The following MCC variants were observed in gnomAD, a reference collection of about 807,000 sequenced individuals.
The protein encoded by MCC is colorectal mutant cancer protein.
A neutral mutation model predicts 116.2 loss-of-function variants in MCC; 90 were observed. The ratio of observed to expected loss-of-function variants is 0.77; its 90% confidence interval spans 0.65 to 0.92. The LOEUF (loss-of-function observed/expected upper bound fraction) is 0.92, where lower values mean the gene tolerates loss of function less well. Ranked by LOEUF, MCC falls within the 40% of genes least tolerant of loss-of-function variation. MCC has a pLI of 0.00. For synonymous variants in MCC, 578 were observed against 510.5 expected (o/e 1.13, Z -1.78); for missense variants, 1,516 against 1,312.2 (o/e 1.16, Z -2.40).
At chr5:113,443,126 C>T (rs1273972179) in intron 1 of MCC, among the ~76,000 whole-genome samples, 1 of 151,990 alleles carries the variant, frequency 6.6e-6, no homozygotes, top group Non-Finnish European at 1.5e-5. Context: ...TCTTCCTATC[C>T]ATGAGCATAG....
intron 1 of MCC, among the ~76,000 whole-genome samples, chr5:113,464,494 G>A (rs1771841139): frequency 6.6e-6 from 1 of 152,036 alleles, no homozygotes; most frequent in Non-Finnish European, 1.5e-5. Flanking sequence ...TCTCATCAAG[G>A]TCTCTCCTAA....
rs1372750979 is a variant in MCC, at chr5:113,191,412, G to A, written c.628-39990C>T. Among the ~76,000 whole-genome samples, 3 of 152,170 alleles carry A rather than the reference G, an allele frequency of 2.0e-5. No individual in the cohort carries two copies. In the East Asian group the frequency reaches 5.8e-4, roughly 29 times the overall value. The stretch of plus-strand genomic sequence containing the variant: ...CTAACCAGGAACATCGTTGGTCATT[G>A]TGGGGAAACTGGCCCTGGAGGCCCA... On this transcript the variant is annotated intron_variant, in intron 3 of 18. Coordinates refer to ENST00000408903, the MANE Select transcript of MCC (RefSeq NM_001085377.2).
intron 3 of MCC, among the ~76,000 whole-genome samples, chr5:113,156,820 A>C (rs562717889): frequency 8.5e-5 from 13 of 152,328 alleles, no homozygotes; most frequent in African/African-American, 3.1e-4. Flanking sequence ...AACCACCTGG[A>C]CATTTGGCTG....
rs561741238 is a variant in MCC at position 113,155,655 on chromosome 5, T to C, written c.628-4233A>G. On this transcript the variant is annotated intron_variant, in intron 3 of 18. Coordinates refer to ENST00000408903, the MANE Select transcript of MCC (RefSeq NM_001085377.2). The stretch of plus-strand genomic sequence containing the variant: ...AATTTTTGGGATCCCTTTAATCATA[T>C]TCTGGTTTCTGAAATGGCCTCTAAC... Among the ~76,000 whole-genome samples, 6 of 152,324 alleles carry C rather than the reference T, an allele frequency of 3.9e-5. No homozygotes were observed. The East Asian group carries it at 1.2e-3, about 29-fold the overall frequency.
intron 3 of MCC, among the ~76,000 whole-genome samples, chr5:113,244,034 A>C (rs546165282): frequency 6.6e-6 from 1 of 152,236 alleles, no homozygotes; most frequent in Non-Finnish European, 1.5e-5. Context: ...GATCCATTCT[A>C]CACTGCAGGC....
intron 3 of MCC, among the ~76,000 whole-genome samples, chr5:113,206,673 C>A (rs1323545496): frequency 6.6e-6 from 1 of 152,192 alleles, no homozygotes; most frequent in Non-Finnish European, 1.5e-5. Flanking sequence ...TGCACCACTG[C>A]ATTCCAGCCT....
At chr5:113,322,751 T>C (rs1403223449) in intron 3 of MCC, among the ~76,000 whole-genome samples, 1 of 152,216 alleles carries the variant, frequency 6.6e-6, no homozygotes, top group Non-Finnish European at 1.5e-5. Context: ...GATAGCGAGT[T>C]AATGAATGAG....
At chr5:113,351,375 C>G (rs1192468648) in intron 2 of MCC, among the ~76,000 whole-genome samples, 1 of 152,070 alleles carries the variant, frequency 6.6e-6, no homozygotes, top group Non-Finnish European at 1.5e-5. Context: ...AGAATGAGAT[C>G]CTGTTATTTG....
intron 14 of MCC, among the ~76,000 whole-genome samples, chr5:113,061,692 C>G (rs1753230222): frequency 6.6e-6 from 1 of 152,172 alleles, no homozygotes; most frequent in African/African-American, 2.4e-5. Context: ...TATGGGCTGC[C>G]AGAAATGCCG....
At chr5:113,280,626 T>A (rs551153567) in intron 3 of MCC, among the ~76,000 whole-genome samples, 2 of 152,090 alleles carry the variant, frequency 1.3e-5, no homozygotes, top group African/African-American at 4.8e-5. Flanking sequence ...GTCTAGAAGA[T>A]GAGTTGGTGT....
At chr5:113,352,440 C>T in intron 2 of MCC, among the ~76,000 whole-genome samples, 1 of 151,884 alleles carries the variant, frequency 6.6e-6, no homozygotes. Context: ...TTCCTCTTCC[C>T]TCTCTTTCTC....
chr5:113,145,979 A>T (rs1242070887), intron 4 of MCC, among the ~76,000 whole-genome samples: 1 of 152,212 alleles, frequency 6.6e-6, no homozygotes. Context: ...GCTTGTAGCT[A>T]AAGGAAAAAA....
At chr5:113,236,584 T>TA (rs2150336969) in intron 3 of MCC, among the ~76,000 whole-genome samples, 1 of 152,350 alleles carries the variant, frequency 6.6e-6, no homozygotes, top group South Asian at 2.1e-4. Context: ...ATAAAATACT[T>TA]ACAATGAGTC....
intron 8 of MCC, among the ~76,000 whole-genome samples, chr5:113,086,145 T>A (rs569818642): frequency 1.9e-4 from 29 of 152,312 alleles, no homozygotes; most frequent in African/African-American, 6.3e-4. Context: ...ACAAGTGCAC[T>A]TGAGTGTTAT....
intron 3 of MCC, among the ~76,000 whole-genome samples, chr5:113,270,104 A>T (rs1158248030): frequency 6.6e-6 from 1 of 152,174 alleles, no homozygotes. Flanking sequence ...AGAAAAGGGT[A>T]CCTACAGGAG....
chr5:113,224,864 T>G (rs1214328962), intron 3 of MCC, among the ~76,000 whole-genome samples: 1 of 152,192 alleles, frequency 6.6e-6, no homozygotes, highest in Non-Finnish European at 1.5e-5. Flanking sequence ...GGAAAAGATT[T>G]GCCACATCAT....
chr5:113,031,377 T>C (rs533481512), intron 17 of MCC, among the ~76,000 whole-genome samples: 5 of 152,146 alleles, frequency 3.3e-5, no homozygotes, highest in East Asian at 1.9e-4. Flanking sequence ...GCAGTGAGGA[T>C]GGTGTTGCAG....
In MCC at chr5:113,049,222, C is replaced by T. The variant is rs764959928; in HGVS notation, c.2526G>A (p.Thr842=). ...GGTAGGCCTGCTCCTGGGCCTCCCG[C>T]GTGCTCAGCTTCAGCTCCAGGGCCT... The part of the protein sequence containing the change: ...EKKALELKLS[T]REAQEQAYLV... Residue 842 remains threonine, a synonymous_variant, in exon 16 of 19, where the codon ACG becomes ACA. Transcript: ENST00000408903. 2.2e-5 allele frequency: 36 copies of T among 1,613,882 alleles called. No homozygotes were observed. The highest frequency in any genetic ancestry group is 1.6e-4 in the Middle Eastern group (1 of 6,084).
chr5:113,059,157 A>AAG (rs1168189018), intron 14 of MCC, among the ~76,000 whole-genome samples: 1 of 151,972 alleles, frequency 6.6e-6, no homozygotes, highest in Non-Finnish European at 1.5e-5. Context: ...AAAAAAAAAA[A>AAG]TAACAAAAGA....
Sources: gnomAD v4.1 joint callset for allele counts (sites outside exome capture counted in the v4.1 genomes callset) on GRCh38, gnomAD v4.1.1 for gene constraint, MANE v1.5 for transcripts, NCBI Gene and HGNC (gene_info 2026-07-23, HGNC 2026-07-21) for gene names.